TKTL1: variants seen among roughly 807,000 people sequenced by gnomAD.
The protein encoded by TKTL1 is transketolase like 1.
In TKTL1, 1 loss-of-function variant was observed where a neutral mutation model predicts 39.3. The observed-to-expected ratio is 0.03, with a 90% CI of 0.01 to 0.12. The LOEUF (loss-of-function observed/expected upper bound fraction) is 0.12, where lower values mean the gene tolerates loss of function less well. TKTL1 is among the 10% of genes least tolerant of loss of function. The pLI, the probability that TKTL1 is intolerant of heterozygous loss-of-function variation, is 1.00. For missense variants in TKTL1, 575 were observed against 509.6 expected (o/e 1.13, Z -1.24); for synonymous variants, 262 against 193.8 (o/e 1.35, Z -2.92).
chrX:154,304,979 T>TG, intron 1 of TKTL1: 1 of 1,005,298 alleles, frequency 9.9e-7, no homozygotes, highest in Non-Finnish European at 1.3e-6. Context: ...ACAATGCTCC[T>TG]GAAAGTTCCT....
rs146453797 is a variant in TKTL1 at position 154,319,122 on chromosome X, A to G, written c.1030-1635A>G. On this transcript the variant is annotated intron_variant, in intron 7 of 12. Coordinates refer to ENST00000369915, the MANE Select transcript of TKTL1 (RefSeq NM_012253.4). ...CTGTTTTTCATCTTCATGATGTGCT[A>G]TGAAACCTTACTTACATGAATAAGT... 8.0e-3 allele frequency among the ~76,000 whole-genome samples: 896 copies of G among 111,826 alleles called. 4 individuals carry two copies. The highest frequency in any genetic ancestry group is 0.027 in the African/African-American group (844 of 30,807).
chrX:154,304,007 G>C lies in TKTL1; in HGVS notation c.135-1297G>C, dbSNP rs781854868. ...CAAAGGTGCAGACACTGATGCGTTG[G>C]GGGAGATCACAGTGTGACAAGGATG... On this transcript the variant is annotated intron_variant, in intron 1 of 12. Coordinates refer to ENST00000369915, the MANE Select transcript of TKTL1 (RefSeq NM_012253.4). Among the ~76,000 whole-genome samples, 6 of 110,676 alleles carry C rather than the reference G, an allele frequency of 5.4e-5. No homozygotes were observed. The East Asian group carries it at 1.7e-3, about 31-fold the overall frequency.
At chrX:154,321,985 C>G (rs1557170949) in intron 8 of TKTL1, among the ~76,000 whole-genome samples, 1 of 110,273 alleles carries the variant, frequency 9.1e-6, no homozygotes, top group African/African-American at 3.3e-5. Flanking sequence ...GAAAGTGACT[C>G]TAGGTTCCAT....
chrX:154,296,055 G>A, intron 1 of TKTL1, 62 bp downstream of exon 1: 3 of 1,171,392 alleles, frequency 2.6e-6, no homozygotes, highest in Non-Finnish European at 3.5e-6. Flanking sequence ...CTTCAGGCCT[G>A]GTGGCCATGA....
In TKTL1 at chrX:154,311,255, C is replaced by T. The variant is rs183923299; in HGVS notation, c.670+17C>T. On this transcript the variant is annotated intron_variant, in intron 5 of 12. Transcript: ENST00000369915. ...GCACCCCAAGTAAGCAAGCACTTTC[C>T]TCCTGCTCCTGGTTGTTAAAAGCAT... 6.6e-6 allele frequency: 8 copies of T among 1,209,042 alleles called. No homozygotes were observed. The East Asian group carries it at 2.1e-4, about 31-fold the overall frequency.
intron 10 of TKTL1, among the ~76,000 whole-genome samples, chrX:154,326,294 T>C (rs782681841): frequency 4.5e-5 from 5 of 111,914 alleles, no homozygotes; most frequent in Non-Finnish European, 7.5e-5. Flanking sequence ...GGGCCATGCA[T>C]AGAGAAAAGC....
At position 154,323,191 on chromosome X, in the gene TKTL1, G is replaced by A. The variant is rs781878347; in HGVS notation, c.1187-16G>A. On this transcript the variant is annotated splice_polypyrimidine_tract_variant and intron_variant, in intron 8 of 12. Coordinates refer to ENST00000369915, the MANE Select transcript of TKTL1 (RefSeq NM_012253.4). ...GGGGTTATGCTCCTGTTTTCATCGG[G>A]CTCTGGTTCTCTCAGGTGACGATGG... The A allele has an allele frequency of 8.3e-7, 1 of 1,208,950 alleles. No individual in the cohort carries two copies. Among genetic ancestry groups the A allele is most frequent in the Non-Finnish European group, 1.1e-6 (1 of 894,391 alleles).
At chrX:154,301,761 T>TC (rs1557165979) in intron 1 of TKTL1, among the ~76,000 whole-genome samples, 1 of 108,287 alleles carries the variant, frequency 9.2e-6, no homozygotes, top group African/African-American at 3.4e-5. Context: ...CTTTCTTTTT[T>TC]TTTTTTTTTT....
intron 12 of TKTL1, 62 bp downstream of exon 12, chrX:154,328,020 A>G (rs1227646510): frequency 9.4e-6 from 11 of 1,173,213 alleles, no homozygotes; most frequent in Non-Finnish European, 1.3e-5. Flanking sequence ...TTGATTGGCC[A>G]CATGGCATGC....
At chrX:154,308,379 G>C (rs907370407) in intron 2 of TKTL1, among the ~76,000 whole-genome samples, 1 of 112,269 alleles carries the variant, frequency 8.9e-6, no homozygotes, top group East Asian at 2.8e-4. Flanking sequence ...TGCCAGAGCA[G>C]TGGAAGGGAG....
chrX:154,317,416 C>G (rs782027729), intron 7 of TKTL1, among the ~76,000 whole-genome samples: 5 of 111,597 alleles, frequency 4.5e-5, no homozygotes, highest in Non-Finnish European at 9.4e-5. Flanking sequence ...AGGGGCATGG[C>G]CAACTGTAGG....
chrX:154,313,108 T>C (rs1557168745), intron 6 of TKTL1, among the ~76,000 whole-genome samples: 1 of 111,724 alleles, frequency 9.0e-6, no homozygotes, highest in Non-Finnish European at 1.9e-5. Context: ...TCTCTTTTAT[T>C]AGGTCTGATT....
chrX:154,324,550 T>C (rs2067478808), intron 9 of TKTL1, among the ~76,000 whole-genome samples: 1 of 111,966 alleles, frequency 8.9e-6, no homozygotes, highest in African/African-American at 3.2e-5. Flanking sequence ...GATTAGGTGA[T>C]AGAAATTAGA....
intron 7 of TKTL1, among the ~76,000 whole-genome samples, chrX:154,315,670 G>T (rs1257103200): frequency 2.7e-5 from 3 of 111,236 alleles, no homozygotes; most frequent in African/African-American, 6.6e-5. Context: ...AGCTCCTTCT[G>T]CCCAATTCTG....
intron 1 of TKTL1, among the ~76,000 whole-genome samples, chrX:154,296,248 C>T (rs1163334574): frequency 9.0e-6 from 1 of 111,426 alleles, no homozygotes; most frequent in Non-Finnish European, 1.9e-5. Flanking sequence ...AATTTACCCA[C>T]GGCCAAAGTT....
intron 2 of TKTL1, 91 bp from the exon 3 acceptor site, chrX:154,309,254 C>A: frequency 5.3e-6 from 4 of 759,084 alleles, no homozygotes; most frequent in Non-Finnish European, 6.2e-6. Context: ...TGCTACAGAG[C>A]TGACAGGAGC....
intron 2 of TKTL1, 58 bp from the exon 3 acceptor site, chrX:154,309,287 C>G: frequency 3.0e-6 from 3 of 996,616 alleles, no homozygotes; most frequent in Non-Finnish European, 4.3e-6. Context: ...GTGCGTGAGT[C>G]CACCTGATAC....
At chrX:154,315,742 C>T (rs1390734145) in intron 7 of TKTL1, among the ~76,000 whole-genome samples, 5 of 112,048 alleles carry the variant, frequency 4.5e-5, no homozygotes, top group African/African-American at 1.6e-4. Context: ...CTTCTCTCCA[C>T]TGTAGAGGGG....
rs781897614 is a variant in TKTL1, at chrX:154,305,247, C to T, written c.135-57C>T. On this transcript the variant is annotated intron_variant, in intron 1 of 12. Coordinates refer to ENST00000369915, the MANE Select transcript of TKTL1 (RefSeq NM_012253.4). ...CTATGAGGAGACCATGTGCCGAGGT[C>T]GTGTGCTAGGAAGCCAGTTGCTGTG... 2.6e-4 allele frequency: 305 copies of T among 1,190,849 alleles called. 1 individual carries two copies. In the African/African-American group the frequency reaches 4.4e-3, roughly 17 times the overall value.
Sources: allele counts gnomAD v4.1 joint callset (sites outside exome capture counted in the v4.1 genomes callset), GRCh38; gene constraint gnomAD v4.1.1; transcripts MANE v1.5; gene names NCBI Gene and HGNC (gene_info 2026-07-23, HGNC 2026-07-21).